The following SMCO2 variants were observed in gnomAD, a reference collection of about 807,000 sequenced individuals.
The protein encoded by SMCO2 is single-pass membrane protein with coiled-coil domains 2.
In SMCO2, 25 loss-of-function variants were observed where a neutral mutation model predicts 29.5. The ratio of observed to expected loss-of-function variants is 0.85; its 90% CI spans 0.62 to 1.18. The LOEUF (loss-of-function observed/expected upper bound fraction) is 1.18, where lower values mean the gene tolerates loss of function less well. Among genes scored for constraint, SMCO2 ranks in the 50% most tolerant of loss-of-function variants. The pLI is 0.00. For missense variants in SMCO2, 348 were observed against 344.5 expected, an observed-to-expected ratio of 1.01 and a Z score of -0.08; for synonymous variants, 117 against 123.3, an observed-to-expected ratio of 0.95 and a Z score of 0.34.
At position 27,472,764 on chromosome 12, in the gene SMCO2, T is replaced by C; in HGVS notation, c.135-12T>C. Reference sequence around the variant, plus strand: ...ATAATAACAGCCTCTGTTTGGATTGTGTGGCTTGCAGTTTGCTAAAGGAAA... The same window carrying C: ...ATAATAACAGCCTCTGTTTGGATTGCGTGGCTTGCAGTTTGCTAAAGGAAA... On this transcript the variant is annotated splice_polypyrimidine_tract_variant and intron_variant, in intron 2 of 7. Coordinates refer to ENST00000298876, the Ensembl canonical transcript of SMCO2. 2 of 1,548,116 alleles carry C rather than the reference T, an allele frequency of 1.3e-6. No homozygotes were observed. Among genetic ancestry groups the C allele is most frequent in the Non-Finnish European group, 1.7e-6 (2 of 1,144,478 alleles).
At chr12:27,465,537 A>G (rs1221167044), upstream of SMCO2, among the ~76,000 whole-genome samples, 3 of 152,212 alleles carry the variant, frequency 2.0e-5, no homozygotes, top group African/African-American at 7.2e-5. Context: ...ACACATCTGA[A>G]CTTGAGCTTT....
At chr12:27,427,974 A>G in the SMCO2 span, among the ~76,000 whole-genome samples, 1 of 152,174 alleles carries the variant, frequency 6.6e-6, no homozygotes, top group Non-Finnish European at 1.5e-5. Flanking sequence ...ATGAAATCAT[A>G]TGGGGTTGAA....
chr12:27,442,571 A>G, the SMCO2 span, among the ~76,000 whole-genome samples: 474 of 152,338 alleles, frequency 3.1e-3, 2 homozygotes, highest in African/African-American at 0.011. Context: ...AGAAAAGCCT[A>G]GGAGTTGATG....
At chr12:27,501,272 C>G (rs1272922095) in intron 7 of SMCO2, among the ~76,000 whole-genome samples, 1 of 148,258 alleles carries the variant, frequency 6.7e-6, no homozygotes. Flanking sequence ...AAAAATTAGC[C>G]GGGCGTGGTG....
intron 2 of SMCO2, among the ~76,000 whole-genome samples, chr12:27,471,834 G>C (rs1389365910): frequency 6.6e-6 from 1 of 152,172 alleles, no homozygotes; most frequent in Non-Finnish European, 1.5e-5. Flanking sequence ...TTTGCTCGGA[G>C]TGAAAATTGA....
At chr12:27,477,634 C>CCTTTTT (rs1949600537) in intron 4 of SMCO2, among the ~76,000 whole-genome samples, 1 of 109,662 alleles carries the variant, frequency 9.1e-6, no homozygotes, top group African/African-American at 3.8e-5. Flanking sequence ...CTTTTTCATT[C>CCTTTTT]TTTTTTTTTT....
chr12:27,501,803 T>C, intron 7 of SMCO2, 120 bp from the exon 9 acceptor site: 1 of 703,338 alleles, frequency 1.4e-6, no homozygotes, highest in Non-Finnish European at 2.2e-6. Context: ...AAATGTAAAC[T>C]GAAGTCAAGA....
intron 4 of SMCO2, among the ~76,000 whole-genome samples, chr12:27,486,111 C>A (rs909137037): frequency 1.3e-5 from 2 of 152,158 alleles, no homozygotes; most frequent in African/African-American, 4.8e-5. Flanking sequence ...GATTGTTCTG[C>A]CCACTTCAAT....
intron 7 of SMCO2, chr12:27,498,041 T>C (rs988406724): frequency 7.1e-6 from 2 of 281,270 alleles, no homozygotes; most frequent in Admixed American, 7.4e-5. Flanking sequence ...CATGGACAAA[T>C]TGAAGGAAAA....
chr12:27,494,946 A>G (rs189338996), intron 6 of SMCO2, among the ~76,000 whole-genome samples: 4 of 151,840 alleles, frequency 2.6e-5, no homozygotes, highest in South Asian at 4.2e-4. Context: ...GGGTCTACAT[A>G]TTACCCATTC....
At chr12:27,436,362 A>T in the SMCO2 span, among the ~76,000 whole-genome samples, 7 of 152,256 alleles carry the variant, frequency 4.6e-5, no homozygotes, top group African/African-American at 1.7e-4. Context: ...TGGAGAATGG[A>T]AAGTGTAGGG....
chr12:27,502,004 T>C (rs1190562321), exon 8 of SMCO2: 10 of 1,548,264 alleles, frequency 6.5e-6, no homozygotes, highest in Non-Finnish European at 8.7e-6. Context: ...TTTTTGGTGC[T>C]ACATTTCTCT....
chr12:27,487,219 C>T (rs1456535160), intron 4 of SMCO2, among the ~76,000 whole-genome samples: 1 of 152,188 alleles, frequency 6.6e-6, no homozygotes, highest in East Asian at 1.9e-4. Context: ...CCCCTTTATA[C>T]ATATATTTCC....
the SMCO2 span, chr12:27,423,324 CTTTTTTTTTTTTTT>C: frequency 1.2e-5 from 1 of 85,930 alleles, no homozygotes; most frequent in Non-Finnish European, 2.2e-5. Flanking sequence ...CTTTTCTTTT[CTTTTTTTTTTTTTT>C]TTTTTTTTTG....
chr12:27,477,903 G>T (rs422438), intron 4 of SMCO2, among the ~76,000 whole-genome samples: 17,504 of 151,898 alleles, frequency 0.12, 1,950 homozygotes, highest in African/African-American at 0.27. Context: ...GCATTTCATA[G>T]ATTCCCTTTT....
chr12:27,446,850 A>G, the SMCO2 span, among the ~76,000 whole-genome samples: 2 of 152,064 alleles, frequency 1.3e-5, no homozygotes, highest in Non-Finnish European at 2.9e-5. Flanking sequence ...GGGCCTGGGA[A>G]TTTGCATTTC....
At chr12:27,482,923 C>T (rs919838686) in intron 4 of SMCO2, among the ~76,000 whole-genome samples, 14 of 152,120 alleles carry the variant, frequency 9.2e-5, no homozygotes, top group African/African-American at 1.7e-4. Context: ...GACAAAGTTT[C>T]GCCATGTGGC....
At chr12:27,470,477 G>A (rs919216668) in intron 1 of SMCO2, 145 bp from the exon 2 acceptor site, 4 of 829,794 alleles carry the variant, frequency 4.8e-6, no homozygotes, top group Middle Eastern at 2.9e-4. Context: ...GCTTGTTTTG[G>A]GGTCCTTTAC....
chr12:27,445,027 C>T, the SMCO2 span, among the ~76,000 whole-genome samples: 1 of 151,992 alleles, frequency 6.6e-6, no homozygotes, highest in East Asian at 1.9e-4. Context: ...GAATGAAATC[C>T]TGCCCTTTGC....
Sources: allele counts gnomAD v4.1 joint callset (sites outside exome capture counted in the v4.1 genomes callset), GRCh38; gene constraint gnomAD v4.1.1; transcripts MANE v1.5; gene names NCBI Gene and HGNC (gene_info 2026-07-23, HGNC 2026-07-21).